XPR1: variants seen among roughly 807,000 people sequenced by gnomAD.
The protein encoded by XPR1 is xenotropic and polytropic retrovirus receptor 1.
A neutral mutation model predicts 87.5 loss-of-function variants in XPR1; 28 were observed. The observed-to-expected ratio is 0.32, with a 90% CI of 0.24 to 0.44. XPR1 has a LOEUF of 0.44. XPR1 is among the 20% of genes least tolerant of loss of function. XPR1 has a pLI of 1.00. For missense variants in XPR1, 559 were observed against 862.3 expected, an observed-to-expected ratio of 0.65 and a Z score of 4.41; for synonymous variants, 300 against 306.1, an observed-to-expected ratio of 0.98 and a Z score of 0.21.
At chr1:180,809,250 A>G (rs1162567644) in intron 6 of XPR1, among the ~76,000 whole-genome samples, 1 of 152,168 alleles carries the variant, frequency 6.6e-6, no homozygotes, top group African/African-American at 2.4e-5. Context: ...GTTGCTTGTG[A>G]ATAGAGTGGG....
intron 6 of XPR1, among the ~76,000 whole-genome samples, chr1:180,810,209 G>A (rs755488294): frequency 6.6e-6 from 1 of 152,070 alleles, no homozygotes; most frequent in Non-Finnish European, 1.5e-5. Context: ...TAATATTTTT[G>A]AGCCTACATA....
chr1:180,769,362 G>GT (rs1178593070), intron 2 of XPR1, among the ~76,000 whole-genome samples: 2 of 144,718 alleles, frequency 1.4e-5, no homozygotes, highest in South Asian at 4.3e-4. Flanking sequence ...CATTATTTCT[G>GT]TTTTTTTGTG....
At chr1:180,847,646 G>A (rs1056665380) in intron 11 of XPR1, among the ~76,000 whole-genome samples, 6 of 152,108 alleles carry the variant, frequency 3.9e-5, no homozygotes, top group African/African-American at 1.2e-4. Flanking sequence ...TGATGAAAGC[G>A]TGAAAAAACT....
At chr1:180,854,027 ACAAAATGT>A (rs1651958726) in intron 11 of XPR1, among the ~76,000 whole-genome samples, 1 of 152,202 alleles carries the variant, frequency 6.6e-6, no homozygotes, top group Non-Finnish European at 1.5e-5. Context: ...AATGATGTCT[ACAAAATGT>A]TAGAACAATG....
At chr1:180,686,269 T>G (rs1656773416) in intron 2 of XPR1, among the ~76,000 whole-genome samples, 1 of 152,208 alleles carries the variant, frequency 6.6e-6, no homozygotes, top group Admixed American at 6.5e-5. Context: ...AGGAGCAGGT[T>G]GTTCAGTTTC....
chr1:180,695,529 T>A (rs1657137581), intron 2 of XPR1, among the ~76,000 whole-genome samples: 1 of 152,150 alleles, frequency 6.6e-6, no homozygotes, highest in East Asian at 1.9e-4. Flanking sequence ...CTGAAACATA[T>A]CCCTTTGTTT....
chr1:180,780,933 A>G (rs574365302), intron 2 of XPR1, among the ~76,000 whole-genome samples: 1 of 152,104 alleles, frequency 6.6e-6, no homozygotes, highest in East Asian at 1.9e-4. Context: ...TTTAATTTTG[A>G]TAAAGTTCAA....
chr1:180,730,516 G>T (rs998242648), intron 2 of XPR1, among the ~76,000 whole-genome samples: 6 of 152,168 alleles, frequency 3.9e-5, no homozygotes, highest in African/African-American at 1.4e-4. Flanking sequence ...AGATTTACAT[G>T]AATAATTTTC....
Position 180,890,048 on chromosome 1 carries a change from C to A in XPR1, c.*5982C>A, listed in dbSNP as rs546798857. 6.6e-6 allele frequency: 1 copy of A among 152,188 alleles called. No individual in the cohort carries two copies. The highest frequency in any genetic ancestry group is 2.1e-4 in the South Asian group (1 of 4,818). 9.4% of individuals were successfully genotyped at this position (152,188 alleles called of 1,614,324 possible). Reference sequence around the variant, plus strand: ...GCTATTAGCTGTCTCCTTTTTCCTTCCTATATGGGTAGAATTCTTATGACT... The same window carrying A: ...GCTATTAGCTGTCTCCTTTTTCCTTACTATATGGGTAGAATTCTTATGACT... On this transcript the variant is annotated 3_prime_UTR_variant, in exon 15 of 15. Transcript: ENST00000367590.
At chr1:180,678,583 A>G (rs761693525) in intron 1 of XPR1, among the ~76,000 whole-genome samples, 1 of 152,268 alleles carries the variant, frequency 6.6e-6, no homozygotes. Flanking sequence ...CATATGTGAC[A>G]TTAAAAATTT....
intron 2 of XPR1, among the ~76,000 whole-genome samples, chr1:180,741,569 T>G (rs925430623): frequency 3.9e-5 from 6 of 152,094 alleles, no homozygotes; most frequent in African/African-American, 1.4e-4. Context: ...CACTGCAACC[T>G]CCGCCTCCTG....
chr1:180,726,682 G>T (rs1658361839), intron 2 of XPR1, among the ~76,000 whole-genome samples: 1 of 120,988 alleles, frequency 8.3e-6, no homozygotes, highest in Admixed American at 9.0e-5. Context: ...AGAAGCAGAT[G>T]TGAGAATCCA....
chr1:180,718,615 GAC>G (rs1429898112), intron 2 of XPR1, among the ~76,000 whole-genome samples: 1 of 151,494 alleles, frequency 6.6e-6, no homozygotes, highest in Non-Finnish European at 1.5e-5. Flanking sequence ...ATCTTGGACA[GAC>G]TGCATGCACC....
At chr1:180,658,885 T>G (rs1655633369) in intron 1 of XPR1, among the ~76,000 whole-genome samples, 1 of 152,136 alleles carries the variant, frequency 6.6e-6, no homozygotes, top group South Asian at 2.1e-4. Flanking sequence ...ATGGTTTTTA[T>G]CCTTTACTCT....
At chr1:180,834,127 G>C (rs904703220) in intron 9 of XPR1, among the ~76,000 whole-genome samples, 3 of 151,764 alleles carry the variant, frequency 2.0e-5, no homozygotes, top group Non-Finnish European at 4.4e-5. Flanking sequence ...CTGTCCCCAG[G>C]CTGGAGTGCA....
chr1:180,766,607 C>A (rs908461668), intron 2 of XPR1, among the ~76,000 whole-genome samples: 1 of 151,744 alleles, frequency 6.6e-6, no homozygotes, highest in Admixed American at 6.6e-5. Flanking sequence ...AAAAAAAAAC[C>A]TTTTGTGAAA....
At chr1:180,705,475 C>T (rs1480943788) in intron 2 of XPR1, among the ~76,000 whole-genome samples, 1 of 152,188 alleles carries the variant, frequency 6.6e-6, no homozygotes, top group Non-Finnish European at 1.5e-5. Flanking sequence ...TGATTAAATA[C>T]ATTTCAAATT....
intron 1 of XPR1, among the ~76,000 whole-genome samples, chr1:180,675,703 C>G (rs1029279588): frequency 1.3e-5 from 2 of 152,124 alleles, no homozygotes; most frequent in Non-Finnish European, 2.9e-5. Flanking sequence ...TTTCCTTAAA[C>G]AGCATGAGTT....
At chr1:180,823,475 G>A (rs527498690) in intron 7 of XPR1, among the ~76,000 whole-genome samples, 31 of 152,116 alleles carry the variant, frequency 2.0e-4, no homozygotes, top group Non-Finnish European at 2.1e-4. Context: ...GCCATTTTAA[G>A]TAGAGGGAAC....
Sources: allele counts gnomAD v4.1 joint callset (sites outside exome capture counted in the v4.1 genomes callset), GRCh38; gene constraint gnomAD v4.1.1; transcripts MANE v1.5; gene names NCBI Gene and HGNC (gene_info 2026-07-23, HGNC 2026-07-21).